The following PPP4R2 variants were observed in gnomAD, a reference collection of about 807,000 sequenced individuals.
PPP4R2 encodes serine/threonine-protein phosphatase 4 regulatory subunit 2.
Under a neutral mutation model 47.2 loss-of-function variants are expected in PPP4R2, and 13 were observed. The observed-to-expected ratio is 0.28, with a 90% confidence interval of 0.18 to 0.44. PPP4R2 has a LOEUF of 0.44. PPP4R2 is among the 20% of genes least tolerant of loss of function. The pLI is 1.00. For synonymous variants in PPP4R2, 151 were observed against 163.3 expected, an observed-to-expected ratio of 0.92 and a Z score of 0.57; for missense variants, 421 against 491.2, an observed-to-expected ratio of 0.86 and a Z score of 1.35.
chr3:73,055,201 A>T (rs189169088), intron 3 of PPP4R2, among the ~76,000 whole-genome samples: 3 of 152,302 alleles, frequency 2.0e-5, no homozygotes, highest in African/African-American at 4.8e-5. Context: ...CAAAGAGTAG[A>T]TGGAATGATG....
intron 2 of PPP4R2, among the ~76,000 whole-genome samples, chr3:73,025,217 A>G (rs1214295653): frequency 6.6e-6 from 1 of 152,194 alleles, no homozygotes; most frequent in East Asian, 1.9e-4. Context: ...ATGTGTATAC[A>G]GTACCTGCAA....
chr3:73,028,881 T>C (rs72889054), intron 2 of PPP4R2, among the ~76,000 whole-genome samples: 19,762 of 152,136 alleles, frequency 0.13, 1,563 homozygotes, highest in East Asian at 0.36. Context: ...GGGGGAAATA[T>C]AATGTAGGGC....
chr3:73,007,921 C>T (rs1575840643), intron 2 of PPP4R2, among the ~76,000 whole-genome samples: 1 of 127,326 alleles, frequency 7.9e-6, no homozygotes, highest in African/African-American at 3.1e-5. Context: ...CTTGTAACAT[C>T]TGTACAATTA....
At chr3:73,048,535 T>C (rs933177562) in intron 3 of PPP4R2, among the ~76,000 whole-genome samples, 16 of 152,376 alleles carry the variant, frequency 1.1e-4, no homozygotes, top group Non-Finnish European at 7.3e-5. Context: ...ATTACAGGCG[T>C]GAGCCCCCGC....
At chr3:73,012,510 C>T (rs1471383665) in intron 2 of PPP4R2, among the ~76,000 whole-genome samples, 1 of 152,224 alleles carries the variant, frequency 6.6e-6, no homozygotes, top group African/African-American at 2.4e-5. Context: ...ACCATGTTAG[C>T]CAGGATGGTC....
chr3:73,022,707 T>C (rs13074965), intron 2 of PPP4R2, among the ~76,000 whole-genome samples: 1 of 152,012 alleles, frequency 6.6e-6, no homozygotes, highest in Non-Finnish European at 1.5e-5. Context: ...TTTTAATATC[T>C]CTGAAATTGG....
intron 2 of PPP4R2, among the ~76,000 whole-genome samples, chr3:73,017,888 C>T (rs12634604): frequency 0.13 from 19,858 of 151,930 alleles, 1,588 homozygotes; most frequent in East Asian, 0.36. Flanking sequence ...CCACCACACC[C>T]GGCTAATTTT....
rs1191523871 is a variant in PPP4R2 at position 73,058,680 on chromosome 3, CTTAG to C, written c.288-353_288-350del. Reference sequence around the variant, plus strand: ...GTGTTACAAACAGTACACTTATACTCTTAGTTATTTTAAAATGTACGATAAATTA... The same window carrying C: ...GTGTTACAAACAGTACACTTATACTCTTATTTTAAAATGTACGATAAATTA... On this transcript the variant is annotated intron_variant, in intron 3 of 8. Coordinates refer to ENST00000356692, the MANE Select transcript of PPP4R2 (RefSeq NM_174907.4). Among the ~76,000 whole-genome samples the C allele has an allele frequency of 2.0e-5, 3 of 151,960 alleles. No individual in the cohort carries two copies. The East Asian group carries it at 5.8e-4, about 29-fold the overall frequency.
At chr3:73,005,833 C>A (rs865968728) in intron 2 of PPP4R2, among the ~76,000 whole-genome samples, 213 of 121,758 alleles carry the variant, frequency 1.7e-3, no homozygotes, top group South Asian at 2.5e-3. Context: ...ACTCTGTCTG[C>A]AAAAAAAAAA....
rs1269359765 is a variant in PPP4R2, at chr3:73,042,566, T to C, written c.117-4620T>C. Reference sequence around the variant, plus strand: ...TTTTAGTAGAGACAGGATTTCACCATGTTGGCCAGGATGGTCTTGGTCTCT... The same window carrying C: ...TTTTAGTAGAGACAGGATTTCACCACGTTGGCCAGGATGGTCTTGGTCTCT... On this transcript the variant is annotated intron_variant, in intron 2 of 8. Transcript: ENST00000356692. Among the ~76,000 whole-genome samples the C allele has an allele frequency of 4.6e-5, 7 of 152,040 alleles. No homozygotes were observed. In the East Asian group the frequency reaches 7.7e-4, roughly 17 times the overall value.
chr3:73,029,018 T>C (rs1400787260), intron 2 of PPP4R2, among the ~76,000 whole-genome samples: 1 of 152,212 alleles, frequency 6.6e-6, no homozygotes. Context: ...TGATCATGGC[T>C]CACTGCAGCC....
chr3:73,062,303 AG>A, intron 5 of PPP4R2: 1 of 1,607,604 alleles, frequency 6.2e-7, no homozygotes, highest in Non-Finnish European at 8.5e-7. Flanking sequence ...CTGACCTTCA[AG>A]GAAGATTTGA....
intron 2 of PPP4R2, among the ~76,000 whole-genome samples, chr3:73,012,007 G>T (rs1319565682): frequency 6.6e-6 from 1 of 152,116 alleles, no homozygotes; most frequent in Non-Finnish European, 1.5e-5. Context: ...GGAGGAAGGG[G>T]GAGAGTGAGG....
Position 73,065,571 on chromosome 3 carries a change from G to A in PPP4R2, c.1103G>A (p.Gly368Asp). ...LLHSEGSENE[G>D]PVSSSSSDCR... is the part of the protein sequence containing the mutation. ...CATTCTGAAGGTAGTGAAAACGAAG[G>A]CCCTGTAAGTAGTAGTTCTTCTGAC... Residue 368 changes from glycine (G) to aspartate (D), a missense_variant, in exon 9 of 9, where the codon GGC (glycine) becomes GAC (aspartate). This residue lies in a region of PPP4R2 where 317 missense variants were observed against 287.5 expected (regional missense o/e 1.10). Coordinates refer to ENST00000356692, the MANE Select transcript of PPP4R2 (RefSeq NM_174907.4). The A allele has an allele frequency of 6.2e-7, 1 of 1,613,436 alleles. No individual in the cohort carries two copies.
chr3:73,033,671 C>G (rs189533782), intron 2 of PPP4R2, among the ~76,000 whole-genome samples: 1 of 152,170 alleles, frequency 6.6e-6, no homozygotes, highest in Non-Finnish European at 1.5e-5. Flanking sequence ...AAATTCTGTA[C>G]CCATTAAACA....
rs554743179 is a variant in PPP4R2, at chr3:73,067,762, T to C, written c.*2040T>C. On this transcript the variant is annotated 3_prime_UTR_variant, in exon 9 of 9. Transcript: ENST00000356692. ...TGGTTGTAAGTTGAAGATTTAGCATTATGACTTTGAGGTCTGTGGTTTTAT... is the reference window on the plus strand; with the variant it reads ...TGGTTGTAAGTTGAAGATTTAGCATCATGACTTTGAGGTCTGTGGTTTTAT... 6.6e-6 allele frequency: 1 copy of C among 152,338 alleles called. No homozygotes were observed. Among genetic ancestry groups the C allele is most frequent in the South Asian group, 2.1e-4 (1 of 4,828 alleles). The allele number at this position is 152,338 out of a possible 1,614,324, so 9.4% of individuals were successfully genotyped here. A position where few individuals can be genotyped will look rare whatever the true frequency, so the allele number is the denominator to read the frequency against.
intron 2 of PPP4R2, among the ~76,000 whole-genome samples, chr3:73,028,715 G>T (rs1702114822): frequency 6.6e-6 from 1 of 152,146 alleles, no homozygotes; most frequent in Non-Finnish European, 1.5e-5. Flanking sequence ...TGGGATTACA[G>T]GCACTTTTGT....
chr3:73,047,259 G>A lies in PPP4R2; in HGVS notation c.190G>A (p.Ala64Thr), dbSNP rs1702503860. The stretch of plus-strand genomic sequence containing the variant: ...AGTGATGGATGATTTCAGAACTTCA[G>A]CTCCTGAGCCAAGAGGTCCTCCCAA... ...EKVMDDFRTS[A>T]PEPRGPPNPN... Residue 64 changes from alanine (A) to threonine (T), a missense_variant, in exon 3 of 9, where the codon GCT (alanine) becomes ACT (threonine). Physicochemically the swap from Ala to Thr is moderately conservative, Grantham distance 58. Around this residue, in one of 2 missense-constraint regions of PPP4R2, gnomAD observed 104 missense variants for 203.7 expected, o/e 0.51. Coordinates refer to ENST00000356692, the MANE Select transcript of PPP4R2 (RefSeq NM_174907.4). 6 of 1,607,032 alleles carry A rather than the reference G, an allele frequency of 3.7e-6. No individual in the cohort carries two copies. The highest frequency in any genetic ancestry group is 8.5e-7 in the Non-Finnish European group (1 of 1,175,118).
chr3:73,046,921 T>C (rs1362966133), intron 2 of PPP4R2, among the ~76,000 whole-genome samples: 3 of 150,562 alleles, frequency 2.0e-5, no homozygotes, highest in Middle Eastern at 3.2e-3. Context: ...TAACACACCA[T>C]AGACTTTCAG....
Sources: gnomAD v4.1 joint callset for allele counts (sites outside exome capture counted in the v4.1 genomes callset) on GRCh38, gnomAD v4.1.1 for gene constraint, gnomAD v4.1.1 regional missense constraint, MANE v1.5 for transcripts, NCBI Gene and HGNC (gene_info 2026-07-23, HGNC 2026-07-21) for gene names.